Variants in HIPK2 observed in about 807,000 individuals in gnomAD.
The protein encoded by HIPK2 is homeodomain interacting protein kinase 2, also known as homeodomain-interacting protein kinase 2.
In HIPK2, 27 loss-of-function variants were observed where a neutral mutation model predicts 113.7. The ratio of observed to expected loss-of-function variants is 0.24; its 90% CI spans 0.17 to 0.33. The LOEUF is 0.33. Among genes scored for constraint, HIPK2 ranks in the 10% least tolerant of loss-of-function variants. The pLI is 1.00. For synonymous variants in HIPK2, 631 were observed against 642.2 expected (o/e 0.98, Z 0.26); for missense variants, 1,257 against 1,588.0 (o/e 0.79, Z 3.54).
chr7:139,720,001 T>C (rs889981431), intron 1 of HIPK2, among the ~76,000 whole-genome samples: 1 of 152,348 alleles, frequency 6.6e-6, no homozygotes. Context: ...GAGATAAAGC[T>C]GAGAACTCGA....
At chr7:139,655,318 A>C (rs1801625769) in intron 2 of HIPK2, among the ~76,000 whole-genome samples, 1 of 152,236 alleles carries the variant, frequency 6.6e-6, no homozygotes, top group African/African-American at 2.4e-5. Context: ...TAAACAAACA[A>C]ATGTCAGTCT....
intron 12 of HIPK2, among the ~76,000 whole-genome samples, chr7:139,587,348 G>C (rs1016491418): frequency 1.3e-5 from 2 of 151,888 alleles, no homozygotes; most frequent in African/African-American, 4.8e-5. Context: ...AAAATTAGCC[G>C]GGAGTGGTGG....
intron 1 of HIPK2, among the ~76,000 whole-genome samples, chr7:139,743,519 G>A (rs897134733): frequency 6.6e-6 from 1 of 152,234 alleles, no homozygotes; most frequent in African/African-American, 2.4e-5. Flanking sequence ...CCAACATGCA[G>A]GTGTCCATAG....
intron 1 of HIPK2, among the ~76,000 whole-genome samples, chr7:139,763,270 G>A (rs1292510765): frequency 6.6e-6 from 1 of 152,206 alleles, no homozygotes; most frequent in African/African-American, 2.4e-5. Context: ...AAGTACGGCA[G>A]TGACAGAATC....
At chr7:139,576,125 G>A (rs1313383049) in intron 13 of HIPK2, among the ~76,000 whole-genome samples, 2 of 152,218 alleles carry the variant, frequency 1.3e-5, no homozygotes, top group African/African-American at 2.4e-5. Flanking sequence ...ACTACTAGAA[G>A]CTAAAATAAC....
At chr7:139,710,446 C>T (rs928871215) in intron 2 of HIPK2, among the ~76,000 whole-genome samples, 2 of 152,260 alleles carry the variant, frequency 1.3e-5, no homozygotes, top group African/African-American at 2.4e-5. Context: ...ATCATTGTTT[C>T]CCTAGAGTCT....
chr7:139,741,886 C>T (rs537484081), intron 1 of HIPK2, among the ~76,000 whole-genome samples: 25 of 152,270 alleles, frequency 1.6e-4, no homozygotes, highest in Admixed American at 1.2e-3. Flanking sequence ...AAGATAAGAA[C>T]GTGAACTTGA....
chr7:139,759,778 A>G (rs1454943429), intron 1 of HIPK2, among the ~76,000 whole-genome samples: 1 of 152,246 alleles, frequency 6.6e-6, no homozygotes, highest in African/African-American at 2.4e-5. Flanking sequence ...GTTAAGCGAG[A>G]TACTAAGAAA....
intron 2 of HIPK2, among the ~76,000 whole-genome samples, chr7:139,697,700 C>G (rs1453883018): frequency 5.9e-5 from 9 of 151,992 alleles, no homozygotes; most frequent in African/African-American, 2.2e-4. Context: ...GTGAACAACT[C>G]AGTGGCATTT....
chr7:139,627,220 T>C (rs1308308546), intron 5 of HIPK2, among the ~76,000 whole-genome samples: 1 of 152,192 alleles, frequency 6.6e-6, no homozygotes, highest in Non-Finnish European at 1.5e-5. Flanking sequence ...AGATGATAAA[T>C]TTTATGCTAT....
chr7:139,641,080 C>A (rs1242929691), intron 2 of HIPK2, among the ~76,000 whole-genome samples: 2 of 151,464 alleles, frequency 1.3e-5, no homozygotes, highest in Non-Finnish European at 3.0e-5. Context: ...ATAAAAACTC[C>A]CTGGCCGGGT....
chr7:139,762,060 C>T (rs1170905857), intron 1 of HIPK2, among the ~76,000 whole-genome samples: 1 of 152,114 alleles, frequency 6.6e-6, no homozygotes, highest in Non-Finnish European at 1.5e-5. Context: ...AAAGCAGTTA[C>T]ATAAGGCTTT....
At chr7:139,715,555 C>T (rs1002498519) in intron 2 of HIPK2, among the ~76,000 whole-genome samples, 1 of 152,196 alleles carries the variant, frequency 6.6e-6, no homozygotes, top group Non-Finnish European at 1.5e-5. Flanking sequence ...TCTGGCCAGG[C>T]GGGTGTCCTT....
chr7:139,667,082 C>T (rs555043997), intron 2 of HIPK2, among the ~76,000 whole-genome samples: 1 of 150,966 alleles, frequency 6.6e-6, no homozygotes, highest in East Asian at 1.9e-4. Flanking sequence ...AAAAACAAAA[C>T]AAAAAAACTC....
In HIPK2 at chr7:139,571,448, C is replaced by T. The variant is rs1252010215; in HGVS notation, c.*1479G>A. ...GGCAGGGGTGAAGGGTGGGGAGTCTCTCTGGGCCTCCGCCCACAAATTACA... is the reference window on the plus strand; with the variant it reads ...GGCAGGGGTGAAGGGTGGGGAGTCTTTCTGGGCCTCCGCCCACAAATTACA... On this transcript the variant is annotated 3_prime_UTR_variant, in exon 15 of 15. Coordinates refer to ENST00000406875, the MANE Select transcript of HIPK2 (RefSeq NM_022740.5). 1 of 152,248 alleles carries T rather than the reference C, an allele frequency of 6.6e-6. No homozygotes were observed. Among genetic ancestry groups the T allele is most frequent in the African/African-American group, 2.4e-5 (1 of 41,452 alleles). The allele number at this position is 152,248 out of a possible 1,614,324, so 9.4% of individuals were successfully genotyped here. A position where few individuals can be genotyped will look rare whatever the true frequency, so the allele number is the denominator to read the frequency against.
chr7:139,690,152 G>A (rs1794356895), intron 2 of HIPK2, among the ~76,000 whole-genome samples: 3 of 152,166 alleles, frequency 2.0e-5, no homozygotes, highest in African/African-American at 7.2e-5. Flanking sequence ...GCTGCACCCA[G>A]AAAGCCCTCA....
intron 1 of HIPK2, among the ~76,000 whole-genome samples, chr7:139,723,127 G>T (rs1267357541): frequency 6.6e-6 from 1 of 151,454 alleles, no homozygotes; most frequent in Admixed American, 6.6e-5. Context: ...GTAATAATAA[G>T]AATATCTAAA....
intron 2 of HIPK2, among the ~76,000 whole-genome samples, chr7:139,672,118 G>A (rs975884599): frequency 6.6e-6 from 1 of 152,130 alleles, no homozygotes; most frequent in Admixed American, 6.5e-5. Context: ...AGTGACCACA[G>A]TGTATGCTGA....
intron 13 of HIPK2, among the ~76,000 whole-genome samples, chr7:139,577,473 C>A (rs764984744): frequency 2.0e-5 from 3 of 152,078 alleles, no homozygotes; most frequent in Non-Finnish European, 4.4e-5. Flanking sequence ...TCTTTAGGAG[C>A]AAACTGCATA....
Sources: gnomAD v4.1 joint callset for allele counts (sites outside exome capture counted in the v4.1 genomes callset) on GRCh38, gnomAD v4.1.1 for gene constraint, MANE v1.5 for transcripts, NCBI Gene and HGNC (gene_info 2026-07-23, HGNC 2026-07-21) for gene names.